FER1L5: variants seen among roughly 807,000 people sequenced by gnomAD.
FER1L5 encodes fer-1-like protein 5.
A neutral mutation model predicts 279.9 loss-of-function variants in FER1L5; 187 were observed. The ratio of observed to expected loss-of-function variants is 0.67; its 90% CI spans 0.59 to 0.75. The LOEUF is 0.75. FER1L5 is among the 30% of genes least tolerant of loss of function. The pLI is 0.00. For synonymous variants in FER1L5, 921 were observed against 989.7 expected, an observed-to-expected ratio of 0.93 and a Z score of 1.30; for missense variants, 2,091 against 2,594.4, an observed-to-expected ratio of 0.81 and a Z score of 4.21.
Position 96,689,687 on chromosome 2 carries a change from G to C in FER1L5, c.2569G>C (p.Glu857Gln), listed in dbSNP as rs1182044677. 1 of 1,550,988 alleles carries C rather than the reference G, an allele frequency of 6.4e-7. No homozygotes were observed. The highest frequency in any genetic ancestry group is 8.7e-7 in the Non-Finnish European group (1 of 1,146,912). ...CATCAACAAGAGCCAGGTGCTGGAG[G>C]AGGTATATGAGAACCAGGGCCGTGA... The part of the protein sequence containing the change: ...IDINKSQVLE[E>Q]VYENQGRDTR... The change falls in exon 26 of 53, where the codon GAG becomes CAG. Residue 857 changes from glutamate (E) to glutamine (Q), a missense_variant. Transcript: ENST00000624922. The surrounding 1 kb of genome is among the most constrained non-coding windows in gnomAD (Gnocchi z 4.6).
intron 1 of FER1L5, among the ~76,000 whole-genome samples, chr2:96,645,036 A>G (rs538476983): frequency 2.0e-5 from 3 of 152,332 alleles, no homozygotes; most frequent in South Asian, 4.1e-4. Context: ...GACACTTTGT[A>G]TTCCTTTTGT....
intron 19 of FER1L5, among the ~76,000 whole-genome samples, chr2:96,679,217 A>G (rs113091621): frequency 0.01 from 1,569 of 150,438 alleles, 8 homozygotes; most frequent in Non-Finnish European, 0.016. Context: ...GCATGGCGAC[A>G]CACACCTATA....
rs2077243359 is a variant in FER1L5, at chr2:96,693,658, G to T, written c.3445G>T (p.Val1149Leu). 2.6e-6 allele frequency: 4 copies of T among 1,551,690 alleles called. No individual in the cohort carries two copies. Among genetic ancestry groups the T allele is most frequent in the Non-Finnish European group, 3.5e-6 (4 of 1,146,968 alleles). ...CACCAAAGAGAGCCCACCGCTTGTG[G>T]TGCTGGAGCTGTGGCAGCGTGACTT... ...QDTKESPPLV[V>L]LELWQRDFWG... Residue 1149 changes from valine (V) to leucine (L), a missense_variant, in exon 32 of 53, where the codon GTG becomes TTG. Physicochemically the swap from Val to Leu is conservative, Grantham distance 32. Coordinates refer to ENST00000624922, the MANE Select transcript of FER1L5 (RefSeq NM_001293083.2).
At chr2:96,700,505 C>T (rs776141266) in intron 45 of FER1L5, 34 bp downstream of exon 45, 1 of 1,610,454 alleles carries the variant, frequency 6.2e-7, no homozygotes, top group South Asian at 1.1e-5. Flanking sequence ...CTGGCTCCTA[C>T]AGGAGGAGCT....
chr2:96,697,840 G>C (rs2077441069), intron 39 of FER1L5, 79 bp downstream of exon 39: 2 of 1,544,476 alleles, frequency 1.3e-6, no homozygotes, highest in Non-Finnish European at 1.8e-6. Flanking sequence ...GATTCCTCTG[G>C]GAAGCCTCAA....
Position 96,653,816 on chromosome 2 carries a change from C to T in FER1L5, c.696+114C>T, listed in dbSNP as rs2075483897. ...AGCCAGGGGCACTTCAGATTGTCTT[C>T]CTGATCCCCACCACTTTCTTCACCC... On this transcript the variant is annotated intron_variant, in intron 8 of 52. Transcript: ENST00000624922. 4.1e-6 allele frequency: 3 copies of T among 728,328 alleles called. No individual in the cohort carries two copies. In the Admixed American group the frequency reaches 8.2e-5, roughly 20 times the overall value. 45.1% of individuals were successfully genotyped at this position (728,328 alleles called of 1,614,324 possible).
Position 96,702,592 on chromosome 2 carries a change from G to A in FER1L5, c.5256-8G>A, listed in dbSNP as rs1446242060. ...CATGAGCCACAGGTGATAGGACTCT[G>A]GCCCCAGGTGGTTATACGGGCTGGA... On this transcript the variant is annotated splice_region_variant and splice_polypyrimidine_tract_variant and intron_variant, in intron 47 of 52. Transcript: ENST00000624922. The surrounding 1 kb of genome is among the most constrained non-coding windows in gnomAD (Gnocchi z 4.0). 6.4e-7 allele frequency: 1 copy of A among 1,562,860 alleles called. No individual in the cohort carries two copies.
In FER1L5 at chr2:96,697,658, A is replaced by C. The variant is rs960371218; in HGVS notation, c.4135-2A>C. On this transcript the variant is annotated splice_acceptor_variant, in intron 38 of 52. Coordinates refer to ENST00000624922, the MANE Select transcript of FER1L5 (RefSeq NM_001293083.2). LOFTEE classifies it high-confidence loss of function. ...GGCCAGAATGATCCTCTTCTCTGCC[A>C]GGATGAGTATGAGCATGAGGTGGAC... 1.2e-6 allele frequency: 2 copies of C among 1,613,932 alleles called. No individual in the cohort carries two copies. Among genetic ancestry groups the C allele is most frequent in the Non-Finnish European group, 1.7e-6 (2 of 1,179,898 alleles).
At chr2:96,704,397 G>C (rs779893602) in intron 52 of FER1L5, 35 bp downstream of exon 52, 13 of 1,612,966 alleles carry the variant, frequency 8.1e-6, no homozygotes, top group Middle Eastern at 1.6e-4. Flanking sequence ...GACAAAGGTG[G>C]TCTCGGGATG....
rs373878629 is a variant in FER1L5 at position 96,670,127 on chromosome 2, C to T, written c.1371C>T (p.Pro457=). 1.2e-4 allele frequency: 191 copies of T among 1,551,444 alleles called. No homozygotes were observed. The highest frequency in any genetic ancestry group is 1.6e-4 in the Non-Finnish European group (178 of 1,146,966). The stretch of plus-strand genomic sequence containing the variant: ...CCTCTCGCTTGCCCTAGTGTATTCC[C>T]GACTCTGTTAGGGATGGTTTAGCTT... The part of the protein sequence containing the change: ...FRIQEEGACI[P]DSVRDGLAYR... Residue 457 remains proline (P), a synonymous_variant, in exon 18 of 53, where the codon CCC becomes CCT. Coordinates refer to ENST00000624922, the MANE Select transcript of FER1L5 (RefSeq NM_001293083.2).
rs2076885909 is a variant in FER1L5, at chr2:96,685,476, A to G, written c.1895+47A>G. ...GATACAGCTGGCCTGGAGCTGAGCC[A>G]GATCTGGGCCTGGGGACTCAGCGCA... On this transcript the variant is annotated intron_variant, in intron 21 of 52. Transcript: ENST00000624922. The G allele has an allele frequency of 5.3e-6, 8 of 1,502,646 alleles. No homozygotes were observed. The East Asian group carries it at 2.0e-4, about 37-fold the overall frequency. 93.1% of individuals were successfully genotyped at this position (1,502,646 alleles called of 1,614,324 possible).
chr2:96,699,041 C>T lies in FER1L5; in HGVS notation c.4519-4C>T, dbSNP rs1558929195. ...ATCCTTCCCCCACTTGTATCTGACC[C>T]CAGTGTGACCCTTATGTGATCCTGA... On this transcript the variant is annotated splice_polypyrimidine_tract_variant and splice_region_variant and intron_variant, in intron 41 of 52. Coordinates refer to ENST00000624922, the MANE Select transcript of FER1L5 (RefSeq NM_001293083.2). The T allele has an allele frequency of 6.2e-7, 1 of 1,606,954 alleles. No homozygotes were observed. Among genetic ancestry groups the T allele is most frequent in the Admixed American group, 1.7e-5 (1 of 58,864 alleles).
chr2:96,702,455 A>G lies in FER1L5; in HGVS notation c.5255+54A>G, dbSNP rs1470516207. 6.4e-7 allele frequency: 1 copy of G among 1,572,022 alleles called. No individual in the cohort carries two copies. The highest frequency in any genetic ancestry group is 1.9e-5 in the Admixed American group (1 of 52,714). On this transcript the variant is annotated intron_variant, in intron 47 of 52. Coordinates refer to ENST00000624922, the MANE Select transcript of FER1L5 (RefSeq NM_001293083.2). This position sits in a 1 kb window ranked among gnomAD's most constrained non-coding sequence, Gnocchi z 4.0. ...AGCCCCTCAGTTCCCCAGTTCTGTC[A>G]TCCTGCTGGCACGGCCCAGTCCTGA... is the stretch of plus-strand genomic sequence containing the variant.
intron 26 of FER1L5, 120 bp from the exon 27 acceptor site, chr2:96,690,367 G>A: frequency 3.6e-6 from 3 of 825,306 alleles, no homozygotes; most frequent in Non-Finnish European, 2.0e-6. Context: ...GCACAGTCTG[G>A]CCTGGAGTGG....
Position 96,702,557 on chromosome 2 carries a change from G to C in FER1L5, c.5256-43G>C. 6.4e-7 allele frequency: 1 copy of C among 1,553,872 alleles called. No individual in the cohort carries two copies. Among genetic ancestry groups the C allele is most frequent in the South Asian group, 1.2e-5 (1 of 84,258 alleles). On this transcript the variant is annotated intron_variant, in intron 47 of 52. Coordinates refer to ENST00000624922, the MANE Select transcript of FER1L5 (RefSeq NM_001293083.2). This position sits in a 1 kb window ranked among gnomAD's most constrained non-coding sequence, Gnocchi z 4.0. ...CCATGGGGCTCCAGCTGGGGGATGG[G>C]GCCAATGCACATGAGCCACAGGTGA...
chr2:96,648,734 G>T (rs942464124), intron 4 of FER1L5, among the ~76,000 whole-genome samples: 3 of 152,196 alleles, frequency 2.0e-5, no homozygotes, highest in Non-Finnish European at 4.4e-5. Context: ...TTGGTTCCCT[G>T]GGCTGGTTGC....
intron 2 of FER1L5, among the ~76,000 whole-genome samples, chr2:96,646,666 C>T (rs926336954): frequency 9.2e-5 from 14 of 152,162 alleles, no homozygotes; most frequent in Admixed American, 2.6e-4. Context: ...TGGCCCTTCT[C>T]CCCCACTCCG....
At chr2:96,659,291 T>TTCCTTCCTTCCTTCCTTCCC (rs2075737387) in intron 9 of FER1L5, among the ~76,000 whole-genome samples, 1 of 27,612 alleles carries the variant, frequency 3.6e-5, no homozygotes, top group Non-Finnish European at 1.0e-4. Context: ...TTATCAAGCT[T>TTCCTTCCTTCCTTCCTTCCC]TCCTTCCTTC....
chr2:96,700,352 C>G lies in FER1L5; in HGVS notation c.4951C>G (p.His1651Asp), dbSNP rs763791476. The G allele has an allele frequency of 3.3e-5, 54 of 1,613,422 alleles. No homozygotes were observed. Among genetic ancestry groups the G allele is most frequent in the Non-Finnish European group, 4.5e-5 (53 of 1,179,870 alleles). The change falls in exon 45 of 53, where the codon CAT becomes GAT. Residue 1651 changes from histidine to aspartate, a missense_variant. By Grantham distance (81) the His-to-Asp change is moderately conservative. Coordinates refer to ENST00000624922, the MANE Select transcript of FER1L5 (RefSeq NM_001293083.2). ...TCCAGAGCCCAAAACCCCTACTGTT[C>G]ATGGTTTGGGACCCAAGAAGGAACG... ...QSFEPKTPTVHGLGPKKERLA... is the reference protein window; with the variant it reads ...QSFEPKTPTVDGLGPKKERLA...
Sources: gnomAD v4.1 joint callset for allele counts (sites outside exome capture counted in the v4.1 genomes callset) on GRCh38, gnomAD v4.1.1 for gene constraint, Gnocchi (gnomAD v3.1) non-coding constraint, MANE v1.5 for transcripts, NCBI Gene and HGNC (gene_info 2026-07-23, HGNC 2026-07-21) for gene names.